HS3ST5: variants seen among roughly 807,000 people sequenced by gnomAD.
HS3ST5 encodes the protein heparan sulfate-glucosamine 3-sulfotransferase 5.
In HS3ST5, 10 loss-of-function variants were observed where a neutral mutation model predicts 25.4. The ratio of observed to expected loss-of-function variants is 0.39; its 90% confidence interval spans 0.24 to 0.67. HS3ST5 has a LOEUF of 0.67. Among genes scored for constraint, HS3ST5 ranks in the 30% least tolerant of loss-of-function variants. HS3ST5 has a pLI of 0.44. For missense variants in HS3ST5, 324 were observed against 420.7 expected, an observed-to-expected ratio of 0.77 and a Z score of 2.01; for synonymous variants, 170 against 162.4, an observed-to-expected ratio of 1.05 and a Z score of -0.36.
Position 114,056,045 on chromosome 6 carries a change from G to A in HS3ST5, c.*1212C>T, listed in dbSNP as rs913788887. The A allele has an allele frequency of 2.0e-5, 3 of 152,130 alleles. No homozygotes were observed. Among genetic ancestry groups the A allele is most frequent in the Admixed American group, 6.5e-5 (1 of 15,278 alleles). The allele number at this position is 152,130 out of a possible 1,614,324, so 9.4% of individuals were successfully genotyped here. A position where few individuals can be genotyped will look rare whatever the true frequency, so the allele number is the denominator to read the frequency against. ...GTGAGATCTTGTTTTCATTTTTGAA[G>A]CATCAGCAGCTTTCAGTACAGAGTT... On this transcript the variant is annotated 3_prime_UTR_variant, in exon 5 of 5. Coordinates refer to ENST00000312719, the MANE Select transcript of HS3ST5 (RefSeq NM_153612.4).
chr6:114,160,816 C>T (rs970034182), intron 3 of HS3ST5, among the ~76,000 whole-genome samples: 1 of 152,052 alleles, frequency 6.6e-6, no homozygotes, highest in African/African-American at 2.4e-5. Context: ...AGTATGTTTG[C>T]CATTCACACT....
intron 1 of HS3ST5, among the ~76,000 whole-genome samples, chr6:114,246,899 C>G (rs1772405649): frequency 6.6e-6 from 1 of 152,134 alleles, no homozygotes; most frequent in Non-Finnish European, 1.5e-5. Context: ...AAGAAACAAA[C>G]AGAAAAAACC....
At chr6:114,302,546 T>C (rs1425900090) in intron 1 of HS3ST5, among the ~76,000 whole-genome samples, 1 of 152,196 alleles carries the variant, frequency 6.6e-6, no homozygotes, top group Non-Finnish European at 1.5e-5. Context: ...GAGCAATGTG[T>C]AATAATGAAA....
intron 3 of HS3ST5, among the ~76,000 whole-genome samples, chr6:114,107,801 C>T (rs1776065954): frequency 6.6e-6 from 1 of 152,064 alleles, no homozygotes; most frequent in African/African-American, 2.4e-5. Flanking sequence ...TATGCAAAAC[C>T]TGTACACTGA....
chr6:114,072,943 G>T (rs1773907138), intron 3 of HS3ST5, among the ~76,000 whole-genome samples: 1 of 152,142 alleles, frequency 6.6e-6, no homozygotes, highest in South Asian at 2.1e-4. Context: ...TACCAAAACA[G>T]ATATATAGAC....
intron 1 of HS3ST5, among the ~76,000 whole-genome samples, chr6:114,262,040 G>A (rs149609341): frequency 1.2e-4 from 19 of 152,202 alleles, no homozygotes; most frequent in Middle Eastern, 3.4e-3. Context: ...AGTGAGGTTC[G>A]TGCATCATTA....
intron 3 of HS3ST5, among the ~76,000 whole-genome samples, chr6:114,098,817 C>A (rs930679941): frequency 2.0e-5 from 3 of 151,766 alleles, no homozygotes; most frequent in African/African-American, 4.8e-5. Flanking sequence ...AATTTAATGT[C>A]ATAGGAAGGC....
intron 1 of HS3ST5, among the ~76,000 whole-genome samples, chr6:114,328,805 C>A (rs928906019): frequency 1.3e-5 from 2 of 152,112 alleles, no homozygotes; most frequent in Non-Finnish European, 2.9e-5. Context: ...AAAAGATGGG[C>A]TTGATATTGA....
chr6:114,290,088 T>A (rs1449035250), intron 1 of HS3ST5, among the ~76,000 whole-genome samples: 7 of 152,162 alleles, frequency 4.6e-5, no homozygotes, highest in African/African-American at 1.4e-4. Flanking sequence ...TTCTATAAGT[T>A]CCATACTTAT....
chr6:114,161,576 A>ATAT, intron 3 of HS3ST5, among the ~76,000 whole-genome samples: 2 of 50,674 alleles, frequency 3.9e-5, no homozygotes, highest in Admixed American at 2.7e-4. Context: ...TATATATATA[A>ATAT]AATGCAATGG....
At chr6:114,108,760 A>G (rs1776115101) in intron 3 of HS3ST5, among the ~76,000 whole-genome samples, 1 of 152,226 alleles carries the variant, frequency 6.6e-6, no homozygotes, top group Non-Finnish European at 1.5e-5. Flanking sequence ...GGATATGTTC[A>G]TTATCTTGAC....
At chr6:114,263,858 A>G (rs1406220624) in intron 1 of HS3ST5, among the ~76,000 whole-genome samples, 1 of 152,292 alleles carries the variant, frequency 6.6e-6, no homozygotes, top group South Asian at 2.1e-4. Context: ...ACTGAAAAGT[A>G]ACACCCATAT....
chr6:114,321,707 G>C (rs1737675729), intron 1 of HS3ST5, among the ~76,000 whole-genome samples: 1 of 151,872 alleles, frequency 6.6e-6, no homozygotes, highest in Admixed American at 6.6e-5. Context: ...ATTAGATTTG[G>C]TACAATATAC....
At chr6:114,131,257 A>C (rs554081711) in intron 3 of HS3ST5, 4 of 152,340 alleles carry the variant, frequency 2.6e-5, no homozygotes, top group African/African-American at 9.6e-5. Context: ...CAAAAGGAAA[A>C]AAAAAGGAGG....
intron 2 of HS3ST5, among the ~76,000 whole-genome samples, chr6:114,198,909 G>C (rs1255765340): frequency 6.6e-6 from 1 of 152,064 alleles, no homozygotes; most frequent in Non-Finnish European, 1.5e-5. Context: ...CCCAGGTGTA[G>C]CTACCTAGAG....
chr6:114,318,342 CTAACT>C (rs1775826910), intron 1 of HS3ST5, among the ~76,000 whole-genome samples: 1 of 152,142 alleles, frequency 6.6e-6, no homozygotes, highest in Non-Finnish European at 1.5e-5. Flanking sequence ...GATTATCTTC[CTAACT>C]TATGTATCTA....
At chr6:114,222,377 G>C (rs1782084688) in intron 2 of HS3ST5, among the ~76,000 whole-genome samples, 1 of 151,804 alleles carries the variant, frequency 6.6e-6, no homozygotes, top group Admixed American at 6.6e-5. Context: ...CTACCACAAA[G>C]TAGTTATTAA....
chr6:114,252,795 C>T (rs1333063853), intron 1 of HS3ST5, among the ~76,000 whole-genome samples: 1 of 152,178 alleles, frequency 6.6e-6, no homozygotes, highest in Non-Finnish European at 1.5e-5. Flanking sequence ...AGGTTGTCTT[C>T]CTGCGTAGTC....
chr6:114,095,588 T>C (rs1381774128), intron 3 of HS3ST5, among the ~76,000 whole-genome samples: 1 of 152,152 alleles, frequency 6.6e-6, no homozygotes, highest in East Asian at 1.9e-4. Flanking sequence ...TTAATTCTAC[T>C]GTTGTCCAGG....
Sources: gnomAD v4.1 joint callset for allele counts (sites outside exome capture counted in the v4.1 genomes callset) on GRCh38, gnomAD v4.1.1 for gene constraint, MANE v1.5 for transcripts, NCBI Gene and HGNC (gene_info 2026-07-23, HGNC 2026-07-21) for gene names.